ABLIM1: variants seen among roughly 807,000 people sequenced by gnomAD.
ABLIM1 encodes actin-binding LIM protein 1.
Under a neutral mutation model 107.0 loss-of-function variants are expected in ABLIM1, and 40 were observed. The observed-to-expected ratio is 0.37, with a 90% confidence interval of 0.29 to 0.49. ABLIM1 has a LOEUF of 0.49. Among genes scored for constraint, ABLIM1 ranks in the 20% least tolerant of loss-of-function variants. ABLIM1 has a pLI of 0.97. For synonymous variants in ABLIM1, 357 were observed against 357.3 expected (o/e 1.00, Z 0.01); for missense variants, 857 against 1,008.5 (o/e 0.85, Z 2.04).
chr10:114,556,359 C>T (rs767062439), intron 4 of ABLIM1, among the ~76,000 whole-genome samples: 21 of 152,186 alleles, frequency 1.4e-4, no homozygotes, highest in East Asian at 1.9e-4. Context: ...GATTCCACCA[C>T]GGGAATCACT....
intron 1 of ABLIM1, among the ~76,000 whole-genome samples, chr10:114,693,002 C>T (rs2081116139): frequency 6.6e-6 from 1 of 152,196 alleles, no homozygotes; most frequent in Non-Finnish European, 1.5e-5. Context: ...GAGTTAGAAA[C>T]AAAACTGCCT....
intron 14 of ABLIM1, among the ~76,000 whole-genome samples, chr10:114,448,722 T>G (rs765940148): frequency 1.4e-4 from 22 of 152,244 alleles, no homozygotes; most frequent in South Asian, 4.2e-4. Context: ...CAAGGGATTC[T>G]CCTGCCTCAG....
At chr10:114,451,489 C>T (rs766999518) in intron 14 of ABLIM1, 135 bp downstream of exon 14, 1 of 827,688 alleles carries the variant, frequency 1.2e-6, no homozygotes, top group Non-Finnish European at 2.1e-6. Flanking sequence ...CTTAGTAGAC[C>T]AGAAAGGCAT....
chr10:114,472,116 T>C lies in ABLIM1; in HGVS notation c.1275+861A>G, dbSNP rs533345002. 2.6e-5 allele frequency among the ~76,000 whole-genome samples: 4 copies of C among 152,320 alleles called. No homozygotes were observed. The South Asian group carries it at 8.3e-4, about 32-fold the overall frequency. ...AGCAACAATGGTAGAAATTGCCACATGCTCAGTATTTCCCCCAAGTCTGGC... is the reference window on the plus strand; with the variant it reads ...AGCAACAATGGTAGAAATTGCCACACGCTCAGTATTTCCCCCAAGTCTGGC... On this transcript the variant is annotated intron_variant, in intron 10 of 22. Coordinates refer to ENST00000533213, the MANE Select transcript of ABLIM1 (RefSeq NM_002313.7).
chr10:114,700,335 G>T (rs905830881), intron 1 of ABLIM1, among the ~76,000 whole-genome samples: 42 of 152,096 alleles, frequency 2.8e-4, no homozygotes, highest in African/African-American at 9.9e-4. Flanking sequence ...GGATTATAAG[G>T]TTCAATATAT....
intron 1 of ABLIM1, among the ~76,000 whole-genome samples, chr10:114,620,491 C>A (rs1048729353): frequency 2.6e-5 from 4 of 152,084 alleles, no homozygotes; most frequent in East Asian, 1.9e-4. Context: ...CTCACTGCAA[C>A]CTCCACCTCC....
intron 4 of ABLIM1, among the ~76,000 whole-genome samples, chr10:114,554,257 GA>G (rs755336480): frequency 3.0e-4 from 45 of 152,166 alleles, no homozygotes; most frequent in Non-Finnish European, 5.4e-4. Flanking sequence ...AAGGAGATAA[GA>G]AAGACCAGCC....
rs1025398336 is a variant in ABLIM1 at position 114,444,078 on chromosome 10, C to A, written c.1884G>T (p.Arg628=). 1 of 1,613,218 alleles carries A rather than the reference C, an allele frequency of 6.2e-7. No individual in the cohort carries two copies. The highest frequency in any genetic ancestry group is 8.5e-7 in the Non-Finnish European group (1 of 1,179,676). The part of the protein sequence containing the change: ...ILKEEMEKES[R]ERSSLLASRY... ...GACTGGCTAACAGAGATGACCTTTC[C>A]CGGCTCTCTTTCTCCATCTCTTCTT... Residue 628 remains arginine (R), a synonymous_variant, in exon 17 of 23, where the codon CGG becomes CGT. Transcript: ENST00000533213.
chr10:114,465,645 T>A, intron 12 of ABLIM1, 53 bp downstream of exon 12: 1 of 1,588,590 alleles, frequency 6.3e-7, no homozygotes, highest in South Asian at 1.1e-5. Flanking sequence ...GGGGAAAAAA[T>A]CACAGAAACA....
chr10:114,592,461 T>C (rs1302344124), intron 2 of ABLIM1, among the ~76,000 whole-genome samples: 2 of 151,954 alleles, frequency 1.3e-5, no homozygotes, highest in East Asian at 1.9e-4. Flanking sequence ...GATTTGAAGG[T>C]CAAATTGAGG....
At chr10:114,684,606 C>T in exon 1 of ABLIM1, 1 of 1,292,350 alleles carries the variant, frequency 7.7e-7, no homozygotes, top group Non-Finnish European at 9.9e-7. Flanking sequence ...TCGACCCTGC[C>T]CCTACCACTT....
intron 1 of ABLIM1, among the ~76,000 whole-genome samples, chr10:114,700,431 A>G (rs2081284353): frequency 6.6e-6 from 1 of 152,118 alleles, no homozygotes; most frequent in African/African-American, 2.4e-5. Context: ...AAAAGTTGAC[A>G]AACTGGTTTT....
intron 1 of ABLIM1, among the ~76,000 whole-genome samples, chr10:114,767,044 G>T (rs999270091): frequency 6.6e-6 from 1 of 152,082 alleles, no homozygotes; most frequent in African/African-American, 2.4e-5. Context: ...CAGAGTGCTT[G>T]AAAAGGAATT....
intron 6 of ABLIM1, among the ~76,000 whole-genome samples, chr10:114,507,399 G>C (rs933861175): frequency 6.6e-6 from 1 of 152,174 alleles, no homozygotes; most frequent in African/African-American, 2.4e-5. Flanking sequence ...CCCCAGGCTT[G>C]GCAATGCCCC....
chr10:114,606,952 C>T (rs973294424), intron 1 of ABLIM1, among the ~76,000 whole-genome samples: 2 of 152,216 alleles, frequency 1.3e-5, no homozygotes, highest in African/African-American at 4.8e-5. Flanking sequence ...CTTCATTTCC[C>T]AACAAATTTG....
At chr10:114,770,335 G>T (rs985766892), upstream of ABLIM1, among the ~76,000 whole-genome samples, 10 of 152,184 alleles carry the variant, frequency 6.6e-5, no homozygotes, top group Non-Finnish European at 1.5e-4. Flanking sequence ...AAAGCTTAGA[G>T]TCCACTGAAA....
chr10:114,502,380 C>T (rs1254511911), intron 6 of ABLIM1: 1 of 152,248 alleles, frequency 6.6e-6, no homozygotes, highest in African/African-American at 2.4e-5. Context: ...AAAAAAAAGC[C>T]ATAAATTTTA....
At chr10:114,586,567 C>T (rs1470838050) in intron 2 of ABLIM1, among the ~76,000 whole-genome samples, 2 of 152,142 alleles carry the variant, frequency 1.3e-5, no homozygotes, top group East Asian at 1.9e-4. Context: ...CATCTGAGGA[C>T]AAAATGGGAA....
At chr10:114,550,771 C>T (rs1017664002) in intron 4 of ABLIM1, among the ~76,000 whole-genome samples, 1 of 152,176 alleles carries the variant, frequency 6.6e-6, no homozygotes, top group African/African-American at 2.4e-5. Context: ...CATAGTTTTG[C>T]CTTTTCCAGG....
Sources: allele counts gnomAD v4.1 joint callset (sites outside exome capture counted in the v4.1 genomes callset), GRCh38; gene constraint gnomAD v4.1.1; transcripts MANE v1.5; gene names NCBI Gene and HGNC (gene_info 2026-07-23, HGNC 2026-07-21).